ZNF677: variants seen among roughly 807,000 people sequenced by gnomAD.
The protein encoded by ZNF677 is hypothetical protein MGC48625.
A neutral mutation model predicts 8.1 loss-of-function variants in ZNF677; 5 were observed. The ratio of observed to expected loss-of-function variants is 0.62; its 90% CI spans 0.32 to 1.29. The LOEUF (loss-of-function observed/expected upper bound fraction) is 1.29, where lower values mean the gene tolerates loss of function less well. Ranked by LOEUF, ZNF677 falls within the 50% of genes most tolerant of loss-of-function variation. The pLI is 0.05. For missense variants in ZNF677, 685 were observed against 685.9 expected (o/e 1.00, Z 0.01); for synonymous variants, 221 against 225.6 (o/e 0.98, Z 0.18).
chr19:53,251,686 G>T, intron 2 of ZNF677, 81 bp from the exon 3 acceptor site: 1 of 990,948 alleles, frequency 1.0e-6, no homozygotes, highest in Non-Finnish European at 1.5e-6. Flanking sequence ...GAAGAGGCTT[G>T]ATATAGAAAA....
At chr19:53,241,259 CA>C (rs1219681104) in intron 4 of ZNF677, 8 of 151,778 alleles carry the variant, frequency 5.3e-5, no homozygotes, top group Non-Finnish European at 1.5e-5. Context: ...AGATATAAAA[CA>C]AAAAACACTA....
At chr19:53,246,524 A>C (rs1434329166) in intron 3 of ZNF677, among the ~76,000 whole-genome samples, 1 of 149,228 alleles carries the variant, frequency 6.7e-6, no homozygotes, top group Non-Finnish European at 1.5e-5. Flanking sequence ...ACACACACAC[A>C]CACACACTCA....
rs779510730 is a variant in ZNF677, at chr19:53,237,845, G to A, written c.882C>T (p.Asn294=). ...IHSGQRPYKC[N]ECGKAFNQCS... ...ACTGGTTAAAGGCTTTGCCACACTC[G>A]TTACATTTGTAAGGTCTCTGTCCAG... The change falls in exon 5 of 5, where the codon AAC becomes AAT. Residue 294 remains asparagine (N), a synonymous_variant. Coordinates refer to ENST00000598513, the MANE Select transcript of ZNF677 (RefSeq NM_182609.4). 22 of 1,613,250 alleles carry A rather than the reference G, an allele frequency of 1.4e-5. No individual in the cohort carries two copies. The East Asian group carries it at 2.5e-4, about 18-fold the overall frequency.
At chr19:53,252,401 T>G (rs982466184) in intron 2 of ZNF677, among the ~76,000 whole-genome samples, 2 of 152,170 alleles carry the variant, frequency 1.3e-5, no homozygotes, top group African/African-American at 4.8e-5. Context: ...CCAAGTTACC[T>G]GGAAAAGGTC....
chr19:53,244,002 T>C (rs1465585530), intron 3 of ZNF677, 105 bp from the exon 4 acceptor site: 4 of 1,016,384 alleles, frequency 3.9e-6, no homozygotes, highest in Non-Finnish European at 4.3e-6. Context: ...TGTGAGTTAA[T>C]GCAAGCAACT....
At chr19:53,238,860 G>A (rs2146932288) in intron 4 of ZNF677, 1 of 200,896 alleles carries the variant, frequency 5.0e-6, no homozygotes, top group African/African-American at 2.3e-5. Context: ...ACCACTCCAA[G>A]GAACACGTAA....
Position 53,236,896 on chromosome 19 carries a change from G to T in ZNF677, c.*76C>A. On this transcript the variant is annotated 3_prime_UTR_variant, in exon 5 of 5. Transcript: ENST00000598513. Reference sequence around the variant, plus strand: ...AAAGATGTATATTCTGGTATCAAGTGAGACATAAGCCATAGCTAAAGGCTT... The same window carrying T: ...AAAGATGTATATTCTGGTATCAAGTTAGACATAAGCCATAGCTAAAGGCTT... 1 of 1,321,794 alleles carries T rather than the reference G, an allele frequency of 7.6e-7. No homozygotes were observed. Among genetic ancestry groups the T allele is most frequent in the Non-Finnish European group, 1.0e-6 (1 of 977,370 alleles). 81.9% of individuals were successfully genotyped at this position (1,321,794 alleles called of 1,614,324 possible).
At chr19:53,247,783 A>G (rs2091169976) in intron 3 of ZNF677, among the ~76,000 whole-genome samples, 1 of 152,226 alleles carries the variant, frequency 6.6e-6, no homozygotes, top group Non-Finnish European at 1.5e-5. Context: ...CTATCTATGT[A>G]GCTATCCAGC....
chr19:53,252,482 G>A (rs897252541), intron 2 of ZNF677, among the ~76,000 whole-genome samples: 1 of 152,170 alleles, frequency 6.6e-6, no homozygotes, highest in African/African-American at 2.4e-5. Context: ...AGTAGCAAAG[G>A]TTTGTCCTTA....
intron 2 of ZNF677, among the ~76,000 whole-genome samples, chr19:53,251,913 A>G (rs2091240565): frequency 6.6e-6 from 1 of 152,224 alleles, no homozygotes; most frequent in South Asian, 2.1e-4. Flanking sequence ...GCCAGTATCC[A>G]ATGACTGTCA....
At position 53,238,502 on chromosome 19, in the gene ZNF677, C is replaced by T. The variant is rs780753676; in HGVS notation, c.225G>A (p.Glu75=). 7 of 1,600,824 alleles carry T rather than the reference C, an allele frequency of 4.4e-6. No homozygotes were observed. Among genetic ancestry groups the T allele is most frequent in the Non-Finnish European group, 6.0e-6 (7 of 1,176,430 alleles). ...CTAATATCACCAGATGGTATAATTC[C>T]TCTTTATTATTTTCCTTTGGTGATA... ...KGLSPKENNK[E]ELYHLVILER... is the part of the protein sequence containing the mutation. The change falls in exon 5 of 5, where the codon GAG becomes GAA. Residue 75 remains glutamate (E), a synonymous_variant. Transcript: ENST00000598513.
At chr19:53,242,776 C>T (rs532530495) in intron 4 of ZNF677, 3 of 187,638 alleles carry the variant, frequency 1.6e-5, no homozygotes, top group Admixed American at 6.1e-5. Flanking sequence ...TCTGTATAGA[C>T]TGAAAACCAC....
intron 1 of ZNF677, among the ~76,000 whole-genome samples, chr19:53,253,875 G>C (rs2091273870): frequency 6.6e-6 from 1 of 152,068 alleles, no homozygotes; most frequent in Admixed American, 6.5e-5. Flanking sequence ...AAAAAGGAGG[G>C]AATAATATTG....
chr19:53,251,352 A>G (rs1213876815), intron 3 of ZNF677, among the ~76,000 whole-genome samples, 184 bp downstream of exon 3: 1 of 152,200 alleles, frequency 6.6e-6, no homozygotes, highest in Non-Finnish European at 1.5e-5. Flanking sequence ...AGCCTTTTCC[A>G]AAGTTCCGTG....
Position 53,237,844 on chromosome 19 carries a change from C to CGTTACATTTGTAACGA in ZNF677, c.882_883insTCGTTACAAATGTAAC (p.Glu295SerfsTer5), listed in dbSNP as rs1568688491. Reference sequence around the variant, plus strand: ...CACTGGTTAAAGGCTTTGCCACACTCGTTACATTTGTAAGGTCTCTGTCCA... The same window carrying CGTTACATTTGTAACGA: ...CACTGGTTAAAGGCTTTGCCACACTCGTTACATTTGTAACGAGTTACATTTGTAAGGTCTCTGTCCA... On this transcript the variant is annotated stop_gained and frameshift_variant, in exon 5 of 5. Transcript: ENST00000598513. LOFTEE classifies it low-confidence loss of function (END_TRUNC). 1 of 1,613,336 alleles carries CGTTACATTTGTAACGA rather than the reference C, an allele frequency of 6.2e-7. No individual in the cohort carries two copies. The highest frequency in any genetic ancestry group is 1.1e-5 in the South Asian group (1 of 90,978).
chr19:53,246,318 A>C (rs1031467710), intron 3 of ZNF677, among the ~76,000 whole-genome samples: 1 of 20,002 alleles, frequency 5.0e-5, no homozygotes, highest in Non-Finnish European at 9.4e-5. Flanking sequence ...ACTCCGTCCC[A>C]AAAAAAAAGC....
In ZNF677 at chr19:53,251,480, A is replaced by C. The variant is rs560273068; in HGVS notation, c.15+56T>G. Reference sequence around the variant, plus strand: ...GTCAGATAAAATTAGCAAGTCCAAAATATGGCATTTCAGGAAGGAGAGGAC... The same window carrying C: ...GTCAGATAAAATTAGCAAGTCCAAACTATGGCATTTCAGGAAGGAGAGGAC... On this transcript the variant is annotated intron_variant, in intron 3 of 4. Coordinates refer to ENST00000598513, the MANE Select transcript of ZNF677 (RefSeq NM_182609.4). 8.7e-6 allele frequency: 13 copies of C among 1,500,404 alleles called. No homozygotes were observed. The African/African-American group carries it at 1.1e-4, about 13-fold the overall frequency. The allele number at this position is 1,500,404 out of a possible 1,614,324, so 92.9% of individuals were successfully genotyped here. A position where few individuals can be genotyped will look rare whatever the true frequency, so the allele number is the denominator to read the frequency against.
chr19:53,245,269 T>C (rs1028096247), intron 3 of ZNF677, among the ~76,000 whole-genome samples: 3 of 152,080 alleles, frequency 2.0e-5, no homozygotes, highest in Admixed American at 6.5e-5. Flanking sequence ...AAAGGAAAAA[T>C]AGACCAGTGG....
At chr19:53,242,544 C>T (rs1482471171) in intron 4 of ZNF677, 2 of 396,296 alleles carry the variant, frequency 5.0e-6, no homozygotes, top group African/African-American at 4.1e-5. Context: ...AAAGCCTGCC[C>T]ATTCCCCTTT....
Sources: gnomAD v4.1 joint callset for allele counts (sites outside exome capture counted in the v4.1 genomes callset) on GRCh38, gnomAD v4.1.1 for gene constraint, MANE v1.5 for transcripts, NCBI Gene and HGNC (gene_info 2026-07-23, HGNC 2026-07-21) for gene names.